The following BCKDHB variants were observed in gnomAD, a reference collection of about 807,000 sequenced individuals.
BCKDHB encodes the protein 2-oxoisovalerate dehydrogenase subunit beta, mitochondrial.
In BCKDHB, 41 loss-of-function variants were observed where a neutral mutation model predicts 48.5. The observed-to-expected ratio is 0.85, with a 90% CI of 0.66 to 1.10. The LOEUF is 1.10. BCKDHB is among the 50% of genes least tolerant of loss of function. BCKDHB has a pLI of 0.00. For synonymous variants in BCKDHB, 201 were observed against 174.8 expected, an observed-to-expected ratio of 1.15 and a Z score of -1.18; for missense variants, 496 against 494.2, an observed-to-expected ratio of 1.00 and a Z score of -0.03.
At chr6:80,416,716 A>C in the BCKDHB span, among the ~76,000 whole-genome samples, 1 of 151,456 alleles carries the variant, frequency 6.6e-6, no homozygotes, top group Non-Finnish European at 1.5e-5. Context: ...ATCAATTTAC[A>C]GTTGTCCCAT....
chr6:80,269,389 T>G (rs1237738183), intron 8 of BCKDHB, among the ~76,000 whole-genome samples: 1 of 152,124 alleles, frequency 6.6e-6, no homozygotes, highest in Non-Finnish European at 1.5e-5. Context: ...TTCAGGACTG[T>G]TTTTAATGCT....
At chr6:80,399,996 A>T in the BCKDHB span, among the ~76,000 whole-genome samples, 1 of 152,140 alleles carries the variant, frequency 6.6e-6, no homozygotes, top group Non-Finnish European at 1.5e-5. Flanking sequence ...TTCCTTATTC[A>T]ATAAATGGTG....
chr6:80,463,952 TC>T, the BCKDHB span, among the ~76,000 whole-genome samples: 2 of 152,096 alleles, frequency 1.3e-5, no homozygotes, highest in Non-Finnish European at 2.9e-5. Context: ...GGCTCATTCC[TC>T]CTACCTTCCC....
At chr6:80,139,138 T>G (rs1258577341) in intron 3 of BCKDHB, among the ~76,000 whole-genome samples, 2 of 152,192 alleles carry the variant, frequency 1.3e-5, no homozygotes, top group Admixed American at 6.5e-5. Context: ...TCGCCCACTT[T>G]TTGATGGGGT....
intron 3 of BCKDHB, chr6:80,135,895 C>G (rs897847405): frequency 5.3e-5 from 8 of 152,114 alleles, no homozygotes; most frequent in African/African-American, 1.9e-4. Context: ...TTGACTGTTC[C>G]TTATGTGAGT....
the BCKDHB span, among the ~76,000 whole-genome samples, chr6:80,404,736 A>G: frequency 1.6e-4 from 25 of 151,950 alleles, no homozygotes; most frequent in Admixed American, 3.3e-4. Flanking sequence ...GCTGTATCCC[A>G]TAAGTTTTGG....
At chr6:80,153,675 A>G (rs929056030) in intron 3 of BCKDHB, among the ~76,000 whole-genome samples, 2 of 152,164 alleles carry the variant, frequency 1.3e-5, no homozygotes, top group African/African-American at 2.4e-5. Context: ...TGATAATAGC[A>G]TTATACATCT....
At chr6:80,257,290 A>G (rs1777089676) in intron 8 of BCKDHB, among the ~76,000 whole-genome samples, 1 of 151,514 alleles carries the variant, frequency 6.6e-6, no homozygotes, top group South Asian at 2.1e-4. Flanking sequence ...GTCTCTCTTC[A>G]TCTTTCTTTT....
At chr6:80,292,405 C>T (rs1464329186) in intron 9 of BCKDHB, among the ~76,000 whole-genome samples, 1 of 152,130 alleles carries the variant, frequency 6.6e-6, no homozygotes, top group East Asian at 1.9e-4. Context: ...CAAAAGAGAA[C>T]ATGTGTAGGG....
At chr6:80,341,601 G>A (rs1046140029) in intron 9 of BCKDHB, among the ~76,000 whole-genome samples, 7 of 152,218 alleles carry the variant, frequency 4.6e-5, no homozygotes, top group African/African-American at 1.4e-4. Context: ...GTTTGATGAT[G>A]TTAGTCATTA....
At chr6:80,302,230 T>G (rs1367789891) in intron 9 of BCKDHB, among the ~76,000 whole-genome samples, 1 of 152,174 alleles carries the variant, frequency 6.6e-6, no homozygotes, top group Non-Finnish European at 1.5e-5. Context: ...ATTAAAAATA[T>G]GATTTTATAC....
At chr6:80,239,655 T>G (rs1776297221) in intron 8 of BCKDHB, among the ~76,000 whole-genome samples, 1 of 152,206 alleles carries the variant, frequency 6.6e-6, no homozygotes, top group Non-Finnish European at 1.5e-5. Context: ...GCTTTTGGTG[T>G]TTTAGTCATG....
At chr6:80,235,172 A>T (rs1776097947) in intron 8 of BCKDHB, among the ~76,000 whole-genome samples, 2 of 152,226 alleles carry the variant, frequency 1.3e-5, no homozygotes, top group Admixed American at 6.5e-5. Context: ...TGTTCCTAAC[A>T]CAAGGAAATG....
intron 8 of BCKDHB, among the ~76,000 whole-genome samples, chr6:80,247,341 A>G (rs1292858781): frequency 6.6e-6 from 1 of 152,250 alleles, no homozygotes; most frequent in Non-Finnish European, 1.5e-5. Context: ...TATTTCAAAA[A>G]TATTATCCTG....
chr6:80,435,280 GTTAT>G, the BCKDHB span, among the ~76,000 whole-genome samples: 2 of 152,150 alleles, frequency 1.3e-5, no homozygotes, highest in African/African-American at 4.8e-5. Flanking sequence ...AATTTGTCAT[GTTAT>G]TTGTTAACTC....
downstream of BCKDHB, chr6:80,346,385 T>C (rs1049413107): frequency 6.6e-6 from 1 of 152,162 alleles, no homozygotes; most frequent in East Asian, 1.9e-4. Context: ...ACTATAGAAA[T>C]GGTGACTTCT....
chr6:80,242,186 C>G (rs1309669270), intron 8 of BCKDHB, among the ~76,000 whole-genome samples: 1 of 152,126 alleles, frequency 6.6e-6, no homozygotes, highest in African/African-American at 2.4e-5. Flanking sequence ...TTTTACCTTT[C>G]AAACTTAGGT....
rs59529287 is a variant in BCKDHB, at chr6:80,335,245, A to AAAAG, written c.1039-8417_1039-8416insAGAA. On this transcript the variant is annotated intron_variant, in intron 9 of 9. Transcript: ENST00000320393. The stretch of plus-strand genomic sequence containing the variant: ...GAATTTTGTGGGAAAAAAAAAAAAA[A>AAAAG]AAGAAGAAAAATTGAATGCTTTGTA... Among the ~76,000 whole-genome samples, 97 of 105,766 alleles carry AAAAG rather than the reference A, an allele frequency of 9.2e-4. 1 individual carries two copies. The highest frequency in any genetic ancestry group is 2.4e-3 in the African/African-American group (89 of 37,264). 69.4% of individuals were successfully genotyped at this position (105,766 alleles called of 152,430 possible). A position where few individuals can be genotyped will look rare whatever the true frequency, so the allele number is the denominator to read the frequency against.
At chr6:80,431,512 G>T in the BCKDHB span, among the ~76,000 whole-genome samples, 1 of 152,080 alleles carries the variant, frequency 6.6e-6, no homozygotes, top group East Asian at 1.9e-4. Flanking sequence ...TCCTGTATTG[G>T]GTGCATGTAA....
Sources: allele counts gnomAD v4.1 joint callset (sites outside exome capture counted in the v4.1 genomes callset), GRCh38; gene constraint gnomAD v4.1.1; transcripts MANE v1.5; gene names NCBI Gene and HGNC (gene_info 2026-07-23, HGNC 2026-07-21).